The following ADCY5 variants were observed in gnomAD, a reference collection of about 807,000 sequenced individuals.
The protein encoded by ADCY5 is adenylate cyclase 5.
In ADCY5, 30 loss-of-function variants were observed where a neutral mutation model predicts 119.7. The ratio of observed to expected loss-of-function variants is 0.25; its 90% CI spans 0.19 to 0.34. The LOEUF is 0.34. Ranked by LOEUF, ADCY5 falls within the 10% of genes least tolerant of loss-of-function variation. ADCY5 has a pLI of 1.00. For missense variants in ADCY5, 1,324 were observed against 1,775.2 expected, an observed-to-expected ratio of 0.75 and a Z score of 4.57; for synonymous variants, 753 against 762.2, an observed-to-expected ratio of 0.99 and a Z score of 0.20.
intron 1 of ADCY5, among the ~76,000 whole-genome samples, chr3:123,437,836 T>C (rs1329715367): frequency 2.0e-5 from 3 of 152,154 alleles, no homozygotes; most frequent in Admixed American, 1.3e-4. Flanking sequence ...CCAAGGGTCA[T>C]TGTGCAGACC....
At chr3:123,405,304 G>A (rs1163810523) in intron 1 of ADCY5, among the ~76,000 whole-genome samples, 1 of 152,254 alleles carries the variant, frequency 6.6e-6, no homozygotes, top group Non-Finnish European at 1.5e-5. Flanking sequence ...TGCATGGCCA[G>A]GCTCTGAGCA....
At chr3:123,340,565 G>A (rs1410907193) in intron 3 of ADCY5, among the ~76,000 whole-genome samples, 1 of 152,040 alleles carries the variant, frequency 6.6e-6, no homozygotes, top group African/African-American at 2.4e-5. Context: ...TCTCCCACAG[G>A]GCCCCTCATT....
At chr3:123,377,789 G>T (rs1394048049) in intron 1 of ADCY5, among the ~76,000 whole-genome samples, 1 of 152,142 alleles carries the variant, frequency 6.6e-6, no homozygotes, top group South Asian at 2.1e-4. Flanking sequence ...AATTAGCTGC[G>T]TGTGGTGGTG....
intron 11 of ADCY5, among the ~76,000 whole-genome samples, chr3:123,315,921 G>A (rs944320744): frequency 6.6e-6 from 1 of 152,098 alleles, no homozygotes; most frequent in East Asian, 1.9e-4. Flanking sequence ...GTCCACATCA[G>A]TACAGAAAGA....
At chr3:123,386,029 C>T (rs1944208459) in intron 1 of ADCY5, among the ~76,000 whole-genome samples, 1 of 152,136 alleles carries the variant, frequency 6.6e-6, no homozygotes, top group African/African-American at 2.4e-5. Context: ...GCCACAGGAC[C>T]GTCAAAGAGG....
intron 16 of ADCY5, 82 bp from the exon 17 acceptor site, chr3:123,296,298 G>T: frequency 6.8e-7 from 1 of 1,475,444 alleles, no homozygotes; most frequent in Non-Finnish European, 9.2e-7. Flanking sequence ...ACCCACTGCT[G>T]GCCCTGTTTT....
intron 12 of ADCY5, among the ~76,000 whole-genome samples, chr3:123,306,721 T>G (rs1404193087): frequency 6.6e-6 from 1 of 152,152 alleles, no homozygotes; most frequent in Non-Finnish European, 1.5e-5. Context: ...TATCATATGA[T>G]CCAGTAATTC....
At chr3:123,339,134 G>C (rs1387085819) in intron 3 of ADCY5, among the ~76,000 whole-genome samples, 1 of 152,204 alleles carries the variant, frequency 6.6e-6, no homozygotes, top group African/African-American at 2.4e-5. Context: ...GAAGTACCCG[G>C]AAGTGTCCAG....
At chr3:123,420,119 C>G (rs1375634545) in intron 1 of ADCY5, 1 of 152,250 alleles carries the variant, frequency 6.6e-6, no homozygotes, top group Non-Finnish European at 1.5e-5. Flanking sequence ...TGCGGAGGGC[C>G]TTGGCACTGG....
At position 123,395,529 on chromosome 3, in the gene ADCY5, A is replaced by G. The variant is rs577577043; in HGVS notation, c.1135-42948T>C. On this transcript the variant is annotated intron_variant, in intron 1 of 20. Coordinates refer to ENST00000462833, the MANE Select transcript of ADCY5 (RefSeq NM_183357.3). ...CACTCCTATTTGGTTCCCTACAGGA[A>G]CAGCACTGTCTCAGCACCTGGTGGA... 3.9e-4 allele frequency among the ~76,000 whole-genome samples: 60 copies of G among 152,276 alleles called. No individual in the cohort carries two copies. In the South Asian group the frequency reaches 0.012, roughly 32 times the overall value.
intron 1 of ADCY5, among the ~76,000 whole-genome samples, chr3:123,402,857 A>T (rs1327296597): frequency 7.1e-6 from 1 of 140,958 alleles, no homozygotes; most frequent in East Asian, 2.0e-4. Context: ...AGTCTCAGGA[A>T]AAAAAAAAAA....
At chr3:123,291,410 C>T in intron 17 of ADCY5, 34 bp from the exon 18 acceptor site, 2 of 1,587,954 alleles carry the variant, frequency 1.3e-6, no homozygotes, top group Non-Finnish European at 8.6e-7. Context: ...ACCCAGATGC[C>T]AATGTGAGCC....
At chr3:123,417,602 A>G (rs1253565232) in intron 1 of ADCY5, among the ~76,000 whole-genome samples, 1 of 152,252 alleles carries the variant, frequency 6.6e-6, no homozygotes, top group Admixed American at 6.5e-5. Flanking sequence ...GTGGCCAGAA[A>G]TCTACAAATA....
intron 19 of ADCY5, among the ~76,000 whole-genome samples, chr3:123,289,140 T>C (rs1384389484): frequency 6.6e-6 from 1 of 152,266 alleles, no homozygotes; most frequent in South Asian, 2.1e-4. Context: ...TTTAGTTTTT[T>C]AAACTATTTC....
rs1469409972 is a variant in ADCY5 at position 123,327,769 on chromosome 3, G to C, written c.1806-10C>G. On this transcript the variant is annotated splice_polypyrimidine_tract_variant and intron_variant, in intron 6 of 20. Transcript: ENST00000462833. The stretch of plus-strand genomic sequence containing the variant: ...GGTGATGTGGATGCGTCTACAGGGG[G>C]GCAGGGATCAGGGTGGAGAGGGCAG... 1 of 1,613,870 alleles carries C rather than the reference G, an allele frequency of 6.2e-7. No individual in the cohort carries two copies. The highest frequency in any genetic ancestry group is 1.1e-5 in the South Asian group (1 of 91,026).
chr3:123,285,919 T>C (rs1267714070), intron 20 of ADCY5, among the ~76,000 whole-genome samples: 1 of 152,018 alleles, frequency 6.6e-6, no homozygotes, highest in Non-Finnish European at 1.5e-5. Context: ...AGAGGCCCTG[T>C]GGGGGAGAGA....
intron 1 of ADCY5, among the ~76,000 whole-genome samples, chr3:123,379,479 A>C (rs201867318): frequency 9.2e-5 from 14 of 152,074 alleles, no homozygotes; most frequent in Admixed American, 9.2e-4. Context: ...TCCCTGGGGG[A>C]GGAAAGCCTC....
At chr3:123,339,080 G>T (rs938865227) in intron 3 of ADCY5, among the ~76,000 whole-genome samples, 3 of 152,188 alleles carry the variant, frequency 2.0e-5, no homozygotes, top group African/African-American at 7.2e-5. Context: ...GTATGGCAAG[G>T]TCTCAGCCCA....
At chr3:123,364,129 G>A (rs1477600344) in intron 1 of ADCY5, among the ~76,000 whole-genome samples, 2 of 152,026 alleles carry the variant, frequency 1.3e-5, no homozygotes, top group African/African-American at 2.4e-5. Context: ...TCTAGGTGGT[G>A]GGATGATAAG....
Sources: gnomAD v4.1 joint callset for allele counts (sites outside exome capture counted in the v4.1 genomes callset) on GRCh38, gnomAD v4.1.1 for gene constraint, MANE v1.5 for transcripts, NCBI Gene and HGNC (gene_info 2026-07-23, HGNC 2026-07-21) for gene names.